Variants in CDK14 observed in about 807,000 individuals in gnomAD.
CDK14 encodes cyclin-dependent kinase 14.
CDK14 carries 34 observed loss-of-function variants against 60.7 expected under a neutral mutation model. The observed-to-expected ratio is 0.56, with a 90% CI of 0.43 to 0.75. The LOEUF (loss-of-function observed/expected upper bound fraction) is 0.75. Among genes scored for constraint, CDK14 ranks in the 30% least tolerant of loss-of-function variants. The probability of loss-of-function intolerance (pLI) is 0.00; values close to 1 mark genes in which losing one functional copy is unlikely to be tolerated. For synonymous variants in CDK14, 197 were observed against 203.7 expected, an observed-to-expected ratio of 0.97 and a Z score of 0.28; for missense variants, 482 against 564.1, an observed-to-expected ratio of 0.85 and a Z score of 1.47.
chr7:91,188,622 AT>A (rs1312398949), intron 14 of CDK14, among the ~76,000 whole-genome samples: 1 of 152,204 alleles, frequency 6.6e-6, no homozygotes, highest in Non-Finnish European at 1.5e-5. Context: ...TAGAGTAAGA[AT>A]TTCAGAATCT....
At chr7:90,686,174 T>G (rs193264620) in intron 2 of CDK14, among the ~76,000 whole-genome samples, 155 of 151,350 alleles carry the variant, frequency 1.0e-3, no homozygotes, top group African/African-American at 3.5e-3. Flanking sequence ...TTAACAAATA[T>G]TAATTCTTAT....
intron 6 of CDK14, among the ~76,000 whole-genome samples, chr7:90,884,232 A>G (rs55757124): frequency 6.6e-6 from 1 of 152,172 alleles, no homozygotes; most frequent in African/African-American, 2.4e-5. Context: ...CAACTTCAGC[A>G]AAGTCTCAGA....
At chr7:90,644,543 C>T (rs1372695030) in intron 2 of CDK14, among the ~76,000 whole-genome samples, 3 of 152,176 alleles carry the variant, frequency 2.0e-5, no homozygotes, top group African/African-American at 7.2e-5. Context: ...GACTCAACAG[C>T]AACCACAAGT....
At chr7:90,765,744 AGAG>A (rs1266037974) in intron 4 of CDK14, among the ~76,000 whole-genome samples, 3 of 152,202 alleles carry the variant, frequency 2.0e-5, no homozygotes, top group African/African-American at 2.4e-5. Context: ...GGGAAAGAAA[AGAG>A]AACTAGAAGA....
chr7:90,986,885 G>T (rs1433746570), intron 10 of CDK14, among the ~76,000 whole-genome samples: 2 of 151,864 alleles, frequency 1.3e-5, no homozygotes, highest in African/African-American at 2.4e-5. Flanking sequence ...TCAAATTACT[G>T]ATTTATGGTA....
intron 14 of CDK14, among the ~76,000 whole-genome samples, chr7:91,161,652 C>A (rs1801171574): frequency 6.6e-6 from 1 of 152,100 alleles, no homozygotes; most frequent in African/African-American, 2.4e-5. Flanking sequence ...TTAACAAATC[C>A]TTTCCTTTAC....
chr7:90,855,658 A>G (rs570975605), intron 5 of CDK14, among the ~76,000 whole-genome samples: 91 of 152,346 alleles, frequency 6.0e-4, no homozygotes, highest in African/African-American at 1.9e-3. Context: ...ATAACAATAC[A>G]TTTGTGAAAA....
At chr7:90,645,051 G>A (rs1800430653) in intron 2 of CDK14, among the ~76,000 whole-genome samples, 1 of 152,176 alleles carries the variant, frequency 6.6e-6, no homozygotes, top group Admixed American at 6.5e-5. Flanking sequence ...AGCACCAAAT[G>A]TGGTAGACAT....
intron 6 of CDK14, among the ~76,000 whole-genome samples, chr7:90,888,487 A>G (rs1792021037): frequency 6.6e-6 from 1 of 152,186 alleles, no homozygotes; most frequent in South Asian, 2.1e-4. Flanking sequence ...TGTAGTCAGC[A>G]AAAGTTATTT....
intron 2 of CDK14, among the ~76,000 whole-genome samples, chr7:90,688,981 A>G (rs1298134186): frequency 4.6e-5 from 7 of 152,138 alleles, no homozygotes; most frequent in African/African-American, 1.7e-4. Flanking sequence ...AGTGGTTAGT[A>G]AACCAGAAAG....
intron 14 of CDK14, among the ~76,000 whole-genome samples, chr7:91,202,293 A>G (rs1462787138): frequency 6.6e-6 from 1 of 152,244 alleles, no homozygotes. Context: ...TTTATCAATC[A>G]AATCCAATTT....
chr7:90,806,537 T>G (rs1788843980), intron 5 of CDK14, among the ~76,000 whole-genome samples: 1 of 152,186 alleles, frequency 6.6e-6, no homozygotes, highest in African/African-American at 2.4e-5. Context: ...GCTCCCAGCG[T>G]GAGCGATGTA....
chr7:90,765,811 G>C (rs911642654), intron 4 of CDK14, among the ~76,000 whole-genome samples: 2 of 152,082 alleles, frequency 1.3e-5, no homozygotes, highest in Non-Finnish European at 2.9e-5. Context: ...GGGAATAATC[G>C]AGTATGTATA....
chr7:91,046,304 T>C (rs1409102363), intron 11 of CDK14, among the ~76,000 whole-genome samples: 1 of 152,184 alleles, frequency 6.6e-6, no homozygotes, highest in East Asian at 1.9e-4. Context: ...CTTCTTGTAG[T>C]AAGTGACCAG....
At chr7:91,181,522 C>T (rs191100273) in intron 14 of CDK14, among the ~76,000 whole-genome samples, 18 of 152,258 alleles carry the variant, frequency 1.2e-4, no homozygotes, top group Admixed American at 6.5e-4. Flanking sequence ...TGATTATATT[C>T]TGTCTAATTC....
chr7:90,735,242 G>A lies in CDK14; in HGVS notation c.369+8430G>A, dbSNP rs143893987. ...CCAGAATTATCCTGTATGAGTTTCC[G>A]TCGGTCCCCACTGAGAGGTGTCTCC... On this transcript the variant is annotated intron_variant, in intron 3 of 14. Transcript: ENST00000380050. Among the ~76,000 whole-genome samples, 14 of 152,246 alleles carry A rather than the reference G, an allele frequency of 9.2e-5. No homozygotes were observed. In the East Asian group the frequency reaches 2.3e-3, roughly 25 times the overall value.
chr7:91,117,481 G>T (rs1008670094), intron 13 of CDK14, among the ~76,000 whole-genome samples: 4 of 151,856 alleles, frequency 2.6e-5, no homozygotes, highest in Non-Finnish European at 4.4e-5. Context: ...CGCATGGTTT[G>T]CCCTCTTACC....
intron 14 of CDK14, among the ~76,000 whole-genome samples, chr7:91,204,642 C>T (rs940960802): frequency 6.6e-6 from 1 of 152,184 alleles, no homozygotes; most frequent in African/African-American, 2.4e-5. Context: ...ATATGGCCAA[C>T]AGCCACATGA....
At chr7:90,780,389 A>T (rs1026488437) in intron 4 of CDK14, among the ~76,000 whole-genome samples, 2 of 151,594 alleles carry the variant, frequency 1.3e-5, no homozygotes, top group African/African-American at 4.8e-5. Context: ...TTCATTTTAA[A>T]ACTTATAAAT....
Sources: allele counts gnomAD v4.1 joint callset (sites outside exome capture counted in the v4.1 genomes callset), GRCh38; gene constraint gnomAD v4.1.1; transcripts MANE v1.5; gene names NCBI Gene and HGNC (gene_info 2026-07-23, HGNC 2026-07-21).